Variants in PDE4B observed in about 807,000 individuals in gnomAD.
PDE4B encodes 3',5'-cyclic-AMP phosphodiesterase 4B.
Under a neutral mutation model 82.2 loss-of-function variants are expected in PDE4B, and 20 were observed. That is an observed-to-expected ratio of 0.24 (90% confidence interval 0.17 to 0.35). The LOEUF (loss-of-function observed/expected upper bound fraction) is 0.35. PDE4B is among the 10% of genes least tolerant of loss of function. PDE4B has a pLI of 1.00. For synonymous variants in PDE4B, 320 were observed against 318.9 expected (o/e 1.00, Z -0.04); for missense variants, 655 against 907.2 (o/e 0.72, Z 3.57).
intron 3 of PDE4B, among the ~76,000 whole-genome samples, chr1:66,186,980 T>C (rs1288396577): frequency 6.6e-6 from 1 of 152,232 alleles, no homozygotes; most frequent in Non-Finnish European, 1.5e-5. Context: ...TTGTCATAGA[T>C]GGCTCTTATT....
chr1:66,214,225 A>G (rs1220825634), intron 3 of PDE4B, among the ~76,000 whole-genome samples: 1 of 152,232 alleles, frequency 6.6e-6, no homozygotes, highest in Non-Finnish European at 1.5e-5. Context: ...GAAACTGTAC[A>G]TCTGGGATTA....
At chr1:66,273,697 C>T (rs974564347) in intron 7 of PDE4B, among the ~76,000 whole-genome samples, 1 of 152,202 alleles carries the variant, frequency 6.6e-6, no homozygotes, top group Non-Finnish European at 1.5e-5. Flanking sequence ...TCTATATCCT[C>T]AATTTATAAC....
chr1:66,122,400 C>G (rs1285088028), intron 3 of PDE4B, among the ~76,000 whole-genome samples: 1 of 151,840 alleles, frequency 6.6e-6, no homozygotes, highest in African/African-American at 2.4e-5. Flanking sequence ...TATAATTGTT[C>G]TTTGTTTAAT....
intron 3 of PDE4B, among the ~76,000 whole-genome samples, chr1:65,919,353 TG>T (rs2100479443): frequency 6.6e-6 from 1 of 152,356 alleles, no homozygotes; most frequent in East Asian, 1.9e-4. Context: ...ATGCTGGCAC[TG>T]TTGTGCAGAG....
At chr1:65,938,910 C>A (rs1026502969) in intron 3 of PDE4B, among the ~76,000 whole-genome samples, 3 of 152,078 alleles carry the variant, frequency 2.0e-5, no homozygotes, top group African/African-American at 7.2e-5. Context: ...AAAAGAAGAA[C>A]ACTTTTGAAG....
chr1:66,216,385 AAGTC>A (rs1440658392), intron 3 of PDE4B, among the ~76,000 whole-genome samples: 1 of 146,410 alleles, frequency 6.8e-6, no homozygotes, highest in East Asian at 2.0e-4. Flanking sequence ...AAAAAATAAA[AAGTC>A]GTTCTTAATT....
intron 3 of PDE4B, among the ~76,000 whole-genome samples, chr1:65,966,261 A>G (rs1035749897): frequency 1.3e-5 from 2 of 151,850 alleles, no homozygotes; most frequent in South Asian, 4.1e-4. Context: ...ATAATAGACA[A>G]ACAGAGAGCC....
intron 3 of PDE4B, chr1:65,992,921 T>G (rs1013107322): frequency 6.2e-7 from 1 of 1,613,710 alleles, no homozygotes. Context: ...CAGCAAAAGA[T>G]TCTTCAAAGG....
chr1:65,944,769 G>A (rs1648617619), intron 3 of PDE4B, among the ~76,000 whole-genome samples: 1 of 151,820 alleles, frequency 6.6e-6, no homozygotes, highest in Non-Finnish European at 1.5e-5. Context: ...GCTTGGGTCT[G>A]GAGATTTGGA....
intron 3 of PDE4B, among the ~76,000 whole-genome samples, chr1:65,952,509 C>T (rs980751256): frequency 2.3e-4 from 35 of 151,858 alleles, no homozygotes; most frequent in African/African-American, 8.2e-4. Flanking sequence ...GCTGAATCCC[C>T]ATCTCTACTG....
chr1:66,045,409 C>T (rs1194104843), intron 3 of PDE4B, among the ~76,000 whole-genome samples: 1 of 151,724 alleles, frequency 6.6e-6, no homozygotes, highest in African/African-American at 2.4e-5. Flanking sequence ...GCACCCTTAA[C>T]TCAAAGTTAG....
intron 3 of PDE4B, among the ~76,000 whole-genome samples, chr1:65,941,497 A>G (rs2100547358): frequency 6.6e-6 from 1 of 152,168 alleles, no homozygotes; most frequent in Admixed American, 6.6e-5. Flanking sequence ...ACGTGGCACC[A>G]GCAAGGTGTC....
chr1:66,287,707 A>C (rs1227990273), intron 7 of PDE4B, among the ~76,000 whole-genome samples: 1 of 152,164 alleles, frequency 6.6e-6, no homozygotes, highest in African/African-American at 2.4e-5. Context: ...TAGGCTAGGC[A>C]TAGTGGCTCA....
chr1:65,972,835 C>T (rs1434257139), intron 3 of PDE4B, among the ~76,000 whole-genome samples: 3 of 152,118 alleles, frequency 2.0e-5, no homozygotes, highest in African/African-American at 7.2e-5. Context: ...AGAAAATATA[C>T]TCTACTGTTT....
intron 1 of PDE4B, among the ~76,000 whole-genome samples, chr1:65,856,942 A>G (rs758936195): frequency 1.1e-4 from 17 of 152,152 alleles, no homozygotes; most frequent in Non-Finnish European, 1.6e-4. Context: ...TTGTCAGTGG[A>G]TAGTGTCAGA....
At chr1:65,825,883 T>C (rs749145084) in intron 1 of PDE4B, among the ~76,000 whole-genome samples, 1 of 152,142 alleles carries the variant, frequency 6.6e-6, no homozygotes, top group African/African-American at 2.4e-5. Flanking sequence ...CTTCCTTATA[T>C]GCTACATCCT....
At chr1:66,238,370 A>T (rs1320618559) in intron 3 of PDE4B, among the ~76,000 whole-genome samples, 1 of 152,182 alleles carries the variant, frequency 6.6e-6, no homozygotes, top group Non-Finnish European at 1.5e-5. Context: ...GGGCTAGATT[A>T]TGTGAAAATT....
chr1:66,233,075 A>G (rs1652115827), intron 3 of PDE4B, among the ~76,000 whole-genome samples: 1 of 152,206 alleles, frequency 6.6e-6, no homozygotes, highest in Non-Finnish European at 1.5e-5. Flanking sequence ...TACATTGAAG[A>G]TAATAAATAT....
At chr1:66,039,800 A>T (rs535900474) in intron 3 of PDE4B, among the ~76,000 whole-genome samples, 2 of 152,116 alleles carry the variant, frequency 1.3e-5, no homozygotes, top group Admixed American at 1.3e-4. Context: ...GAAGTATTTA[A>T]TAATTGGTAG....
Sources: allele counts gnomAD v4.1 joint callset (sites outside exome capture counted in the v4.1 genomes callset), GRCh38; gene constraint gnomAD v4.1.1; transcripts MANE v1.5; gene names NCBI Gene and HGNC (gene_info 2026-07-23, HGNC 2026-07-21).